Variants in DLG2 observed in about 807,000 individuals in gnomAD.
The protein encoded by DLG2 is disks large homolog 2.
DLG2 carries 45 observed loss-of-function variants against 132.5 expected under a neutral mutation model. The observed-to-expected ratio is 0.34, with a 90% CI of 0.27 to 0.44. The LOEUF (loss-of-function observed/expected upper bound fraction) is 0.44, where lower values mean the gene tolerates loss of function less well. Ranked by LOEUF, DLG2 falls within the 20% of genes least tolerant of loss-of-function variation. The pLI is 1.00. For synonymous variants in DLG2, 424 were observed against 419.6 expected (o/e 1.01, Z -0.13); for missense variants, 1,045 against 1,196.9 (o/e 0.87, Z 1.87).
chr11:84,884,132 T>G (rs2087826647), intron 6 of DLG2, among the ~76,000 whole-genome samples: 1 of 152,086 alleles, frequency 6.6e-6, no homozygotes, highest in Non-Finnish European at 1.5e-5. Context: ...AAACACAAAT[T>G]AGGATATTTA....
intron 16 of DLG2, among the ~76,000 whole-genome samples, chr11:83,851,741 A>G (rs143073781): frequency 2.6e-5 from 4 of 151,348 alleles, no homozygotes; most frequent in Non-Finnish European, 4.4e-5. Context: ...CCAAATTGGT[A>G]AAACCCTATC....
chr11:85,442,628 AAAG>A (rs1313896860), intron 3 of DLG2, among the ~76,000 whole-genome samples: 4 of 152,100 alleles, frequency 2.6e-5, no homozygotes, highest in African/African-American at 9.7e-5. Flanking sequence ...TTGGAAGGCC[AAAG>A]AAGGAGGATG....
intron 7 of DLG2, among the ~76,000 whole-genome samples, chr11:84,443,553 T>C (rs1345144291): frequency 6.6e-6 from 1 of 152,186 alleles, no homozygotes; most frequent in Non-Finnish European, 1.5e-5. Flanking sequence ...AAGAGATCAG[T>C]ATTCTATATA....
At chr11:83,539,126 A>T (rs1369688623) in intron 20 of DLG2, among the ~76,000 whole-genome samples, 1 of 152,222 alleles carries the variant, frequency 6.6e-6, no homozygotes, top group Non-Finnish European at 1.5e-5. Flanking sequence ...TAATAATTGT[A>T]AAGGGCTTAC....
At chr11:85,225,435 T>C (rs1277994106) in intron 4 of DLG2, among the ~76,000 whole-genome samples, 2 of 152,142 alleles carry the variant, frequency 1.3e-5, no homozygotes, top group African/African-American at 2.4e-5. Context: ...AGCTTCTATC[T>C]TCAAGGTCAC....
intron 6 of DLG2, among the ~76,000 whole-genome samples, chr11:85,074,123 A>G (rs1394562024): frequency 6.6e-6 from 1 of 151,786 alleles, no homozygotes; most frequent in Non-Finnish European, 1.5e-5. Flanking sequence ...GTGAGGATCA[A>G]AAAACTACCT....
In DLG2 at chr11:84,687,719, TTGAG is replaced by T. The variant is rs201033236; in HGVS notation, c.358-152992_358-152989del. ...TTCTTTCCTACCTATCAGGTTTCATTTGAGTAAATTTCTTGAAGATCATAACTAT... is the reference window on the plus strand; with the variant it reads ...TTCTTTCCTACCTATCAGGTTTCATTTAAATTTCTTGAAGATCATAACTAT... On this transcript the variant is annotated intron_variant, in intron 6 of 27. Transcript: ENST00000376104. Among the ~76,000 whole-genome samples the T allele has an allele frequency of 8.1e-3, 1,226 of 152,274 alleles. 7 individuals are homozygous for T. The highest frequency in any genetic ancestry group is 0.013 in the Non-Finnish European group (914 of 68,014).
intron 7 of DLG2, among the ~76,000 whole-genome samples, chr11:84,315,263 A>G (rs1025984453): frequency 2.0e-5 from 3 of 152,182 alleles, no homozygotes; most frequent in African/African-American, 7.2e-5. Context: ...ATGAAAAAAT[A>G]TGAATATTTT....
chr11:85,559,859 G>GATAGATAGATAGAGAT (rs879376647), intron 3 of DLG2, among the ~76,000 whole-genome samples: 4 of 149,680 alleles, frequency 2.7e-5, no homozygotes, highest in African/African-American at 7.4e-5. Flanking sequence ...TAGATAGATA[G>GATAGATAGATAGAGAT]AGATAAATAT....
At chr11:83,921,813 T>A (rs1404433095) in intron 15 of DLG2, among the ~76,000 whole-genome samples, 1 of 152,058 alleles carries the variant, frequency 6.6e-6, no homozygotes, top group Non-Finnish European at 1.5e-5. Flanking sequence ...CAGAAAATAT[T>A]CACATCATCT....
At position 85,497,328 on chromosome 11, in the gene DLG2, A is replaced by G. The variant is rs1008351093; in HGVS notation, c.40+101329T>C. 9.9e-4 allele frequency among the ~76,000 whole-genome samples: 151 copies of G among 151,966 alleles called. 1 individual carries two copies. The highest frequency in any genetic ancestry group is 3.5e-3 in the African/African-American group (146 of 41,470). On this transcript the variant is annotated intron_variant, in intron 3 of 27. Transcript: ENST00000376104. Reference sequence around the variant, plus strand: ...TTGATCAAGCAGAAGAAAGGATATCAGTGATTGAAGATGAACTCATTGAAA... The same window carrying G: ...TTGATCAAGCAGAAGAAAGGATATCGGTGATTGAAGATGAACTCATTGAAA...
chr11:84,721,039 C>T (rs1168004760), intron 6 of DLG2, among the ~76,000 whole-genome samples: 2 of 152,156 alleles, frequency 1.3e-5, no homozygotes, highest in African/African-American at 4.8e-5. Flanking sequence ...GAGTCCCCAG[C>T]GTGGGAGCGC....
At chr11:84,625,336 T>C (rs900981178) in intron 6 of DLG2, among the ~76,000 whole-genome samples, 1 of 152,158 alleles carries the variant, frequency 6.6e-6, no homozygotes, top group Non-Finnish European at 1.5e-5. Context: ...CTGGAAACCA[T>C]AATTGGGCTG....
chr11:83,906,765 G>A (rs143613434), intron 15 of DLG2, among the ~76,000 whole-genome samples: 7 of 152,128 alleles, frequency 4.6e-5, no homozygotes, highest in Middle Eastern at 3.4e-3. Context: ...GGAAACCAAC[G>A]AAGAAAACAA....
intron 6 of DLG2, among the ~76,000 whole-genome samples, chr11:84,874,906 A>G (rs11820931): frequency 0.012 from 1,869 of 151,226 alleles, 45 homozygotes; most frequent in African/African-American, 0.042. Context: ...CTGTAATCCC[A>G]CCTACTTGGG....
At chr11:83,595,893 G>A (rs566995082) in intron 19 of DLG2, among the ~76,000 whole-genome samples, 4 of 152,106 alleles carry the variant, frequency 2.6e-5, no homozygotes, top group Non-Finnish European at 5.9e-5. Context: ...AGATGATGTC[G>A]TAATAGGTGC....
At chr11:84,239,878 C>T (rs996066709) in intron 8 of DLG2, among the ~76,000 whole-genome samples, 4 of 152,172 alleles carry the variant, frequency 2.6e-5, no homozygotes, top group Admixed American at 2.6e-4. Context: ...CAGAAGCTTC[C>T]GACATTGAAG....
At chr11:85,002,332 T>G (rs1181439326) in intron 6 of DLG2, among the ~76,000 whole-genome samples, 1 of 152,134 alleles carries the variant, frequency 6.6e-6, no homozygotes, top group Non-Finnish European at 1.5e-5. Context: ...AAAATGTCAA[T>G]GGCTACAACA....
rs761883086 is a variant in DLG2, at chr11:84,059,331, C to A, written c.903G>T (p.Leu301=). Residue 301 remains leucine, a synonymous_variant, in exon 11 of 28, where the codon CTG becomes CTT. Coordinates refer to ENST00000376104, the MANE Select transcript of DLG2 (RefSeq NM_001142699.3). ...TTTGATTACCTTTAGGGCCTTTGAACAGTTTGATTTCCACAACGGTCTCCA... is the reference window on the plus strand; with the variant it reads ...TTTGATTACCTTTAGGGCCTTTGAAAAGTTTGATTTCCACAACGGTCTCCA... ...PILETVVEIK[L]FKGPKGLGFS... is the part of the protein sequence containing the mutation. 3.1e-6 allele frequency: 5 copies of A among 1,613,372 alleles called. No individual in the cohort carries two copies. Among genetic ancestry groups the A allele is most frequent in the Non-Finnish European group, 4.2e-6 (5 of 1,179,672 alleles).
Sources: allele counts gnomAD v4.1 joint callset (sites outside exome capture counted in the v4.1 genomes callset), GRCh38; gene constraint gnomAD v4.1.1; transcripts MANE v1.5; gene names NCBI Gene and HGNC (gene_info 2026-07-23, HGNC 2026-07-21).